MINDY4B: variants seen among roughly 807,000 people sequenced by gnomAD.
MINDY4B encodes inactive ubiquitin carboxyl-terminal hydrolase MINDY-4B.
MINDY4B carries 25 observed loss-of-function variants against 16.7 expected under a neutral mutation model. The observed-to-expected ratio is 1.49, with a 90% CI of 1.09 to 2.09. The LOEUF (loss-of-function observed/expected upper bound fraction) is 2.09. Ranked by LOEUF, MINDY4B falls within the 30% of genes most tolerant of loss-of-function variation. The pLI is 0.00. For missense variants in MINDY4B, 327 were observed against 168.4 expected, an observed-to-expected ratio of 1.94 and a Z score of -5.21; for synonymous variants, 132 against 61.9, an observed-to-expected ratio of 2.13 and a Z score of -5.32.
chr3:150,896,247 T>A (rs7623160), intron 3 of MINDY4B, among the ~76,000 whole-genome samples: 57,084 of 151,958 alleles, frequency 0.38, 15,489 homozygotes, highest in African/African-American at 0.78. Flanking sequence ...TATGTTATCT[T>A]TTTCCTTGAA....
chr3:150,878,161 C>T (rs943810162), intron 10 of MINDY4B, among the ~76,000 whole-genome samples: 2 of 152,152 alleles, frequency 1.3e-5, no homozygotes, highest in African/African-American at 4.8e-5. Flanking sequence ...AAGGGCCAGG[C>T]ACACAATAGG....
At chr3:150,888,832 C>T (rs1036887065) in intron 7 of MINDY4B, among the ~76,000 whole-genome samples, 9 of 152,224 alleles carry the variant, frequency 5.9e-5, no homozygotes, top group Non-Finnish European at 8.8e-5. Flanking sequence ...TGATCTCAAC[C>T]GTGGCTACGT....
intron 7 of MINDY4B, among the ~76,000 whole-genome samples, chr3:150,887,404 C>T (rs771815390): frequency 6.6e-6 from 1 of 152,184 alleles, no homozygotes; most frequent in Non-Finnish European, 1.5e-5. Context: ...GGTAATGGAA[C>T]CAGCAGAAAG....
intron 7 of MINDY4B, among the ~76,000 whole-genome samples, chr3:150,887,215 G>T (rs1711648392): frequency 6.6e-6 from 1 of 152,162 alleles, no homozygotes; most frequent in Admixed American, 6.5e-5. Context: ...GTGACTAATG[G>T]GTATGGAGCG....
chr3:150,882,276 A>C (rs564496703), intron 10 of MINDY4B, among the ~76,000 whole-genome samples: 38 of 152,238 alleles, frequency 2.5e-4, no homozygotes, highest in African/African-American at 9.1e-4. Context: ...ATCACATCTT[A>C]CTTAATTCCC....
intron 7 of MINDY4B, among the ~76,000 whole-genome samples, chr3:150,886,367 CAG>C (rs1229959940): frequency 6.6e-6 from 1 of 152,224 alleles, no homozygotes; most frequent in Non-Finnish European, 1.5e-5. Context: ...TGTGACCTGA[CAG>C]GGGCCAGGGC....
Position 150,893,820 on chromosome 3 carries a change from A to G in MINDY4B, c.429+366T>C, listed in dbSNP as rs570388005. On this transcript the variant is annotated intron_variant, in intron 4 of 11. Transcript: ENST00000465419. ...ATTCTCCTACCTTAGCCTCCCGAGT[A>G]GCTAGGATTACAGGTGTGCACCACC... 2.0e-5 allele frequency among the ~76,000 whole-genome samples: 3 copies of G among 152,096 alleles called. No individual in the cohort carries two copies. In the East Asian group the frequency reaches 5.8e-4, roughly 29 times the overall value.
In MINDY4B at chr3:150,903,422, C is replaced by A. The variant is rs1376071236; in HGVS notation, c.142-6G>T. 1.0e-5 allele frequency: 4 copies of A among 398,350 alleles called. No homozygotes were observed. The highest frequency in any genetic ancestry group is 1.3e-5 in the Non-Finnish European group (3 of 225,978). 24.7% of individuals were successfully genotyped at this position (398,350 alleles called of 1,614,324 possible). ...GTATGGTTGCCTTCATGATTCTGTG[C>A]AAATATCACCCCCACAAAAGACAAA... On this transcript the variant is annotated splice_region_variant and splice_polypyrimidine_tract_variant and intron_variant, in intron 2 of 11. Coordinates refer to ENST00000465419, the MANE Select transcript of MINDY4B (RefSeq NM_001351281.2).
chr3:150,870,830 G>T lies in MINDY4B; in HGVS notation c.*215C>A, dbSNP rs1408933164. 2.0e-5 allele frequency among the ~76,000 whole-genome samples: 3 copies of T among 152,194 alleles called. No individual in the cohort carries two copies. Among genetic ancestry groups the T allele is most frequent in the African/African-American group, 7.2e-5 (3 of 41,444 alleles). The stretch of plus-strand genomic sequence containing the variant: ...TGACTACGGAGGAGGCACCATGCAG[G>T]CCCTGGTGTGGGGGCCTGTGTTTCT... On this transcript the variant is annotated 3_prime_UTR_variant, in exon 12 of 12. Coordinates refer to ENST00000465419, the MANE Select transcript of MINDY4B (RefSeq NM_001351281.2).
chr3:150,878,170 G>T lies in MINDY4B; in HGVS notation c.1059+4727C>A, dbSNP rs184593528. Among the ~76,000 whole-genome samples, 224 of 152,142 alleles carry T rather than the reference G, an allele frequency of 1.5e-3. 1 individual carries two copies. The highest frequency in any genetic ancestry group is 5.3e-3 in the African/African-American group (218 of 41,508). Reference sequence around the variant, plus strand: ...CCCAGAAAGGGCCAGGCACACAATAGGTGCTATATGCACAAGGTTATTAGC... The same window carrying T: ...CCCAGAAAGGGCCAGGCACACAATATGTGCTATATGCACAAGGTTATTAGC... On this transcript the variant is annotated intron_variant, in intron 10 of 11. Coordinates refer to ENST00000465419, the MANE Select transcript of MINDY4B (RefSeq NM_001351281.2).
intron 3 of MINDY4B, chr3:150,901,509 T>C (rs1712114381): frequency 7.4e-6 from 1 of 134,960 alleles, no homozygotes; most frequent in Admixed American, 8.0e-5. Context: ...TTTTCTTTCT[T>C]TTCTTTTCTT....
At chr3:150,901,158 A>G (rs771134639) in intron 3 of MINDY4B, 1 of 152,266 alleles carries the variant, frequency 6.6e-6, no homozygotes, top group Non-Finnish European at 1.5e-5. Context: ...AATTCATTGC[A>G]GAAGCCAAGA....
Position 150,873,278 on chromosome 3 carries a change from C to G in MINDY4B, c.1149G>C (p.Gln383His), listed in dbSNP as rs1297278028. ...NYSILFCTNR[Q>H]LLSDWKMERL... is the part of the protein sequence containing the mutation. ...GTTCCATTTTCCAGTCTGATAAGAG[C>G]TGCCTGTTTGTGCAAAAAAGGATGC... The change falls in exon 11 of 12, where the codon CAG becomes CAC. Residue 383 changes from glutamine to histidine, a missense_variant. By Grantham distance (24) the Gln-to-His change is conservative. Transcript: ENST00000465419. 1.4e-6 allele frequency: 1 copy of G among 702,994 alleles called. No individual in the cohort carries two copies. The highest frequency in any genetic ancestry group is 2.6e-6 in the Non-Finnish European group (1 of 384,876). The allele number at this position is 702,994 out of a possible 1,614,324, so 43.5% of individuals were successfully genotyped here. A position where few individuals can be genotyped will look rare whatever the true frequency, so the allele number is the denominator to read the frequency against.
intron 11 of MINDY4B, among the ~76,000 whole-genome samples, chr3:150,872,660 C>A (rs545939064): frequency 6.6e-6 from 1 of 152,192 alleles, no homozygotes; most frequent in Admixed American, 6.5e-5. Flanking sequence ...AGACCTGTGC[C>A]GCATTCACCA....
chr3:150,902,857 C>G (rs1307455245), intron 3 of MINDY4B, among the ~76,000 whole-genome samples: 1 of 152,206 alleles, frequency 6.6e-6, no homozygotes, highest in East Asian at 1.9e-4. Context: ...CTCTCTCCCT[C>G]CTGCATGCAT....
chr3:150,882,493 G>GTATT (rs10662442), intron 10 of MINDY4B, among the ~76,000 whole-genome samples: 121,820 of 151,116 alleles, frequency 0.81, 49,604 homozygotes, highest in African/African-American at 0.87. Context: ...ACTGCTAACA[G>GTATT]TATTTCTGTG....
At chr3:150,900,820 C>T (rs939416950) in intron 3 of MINDY4B, among the ~76,000 whole-genome samples, 11 of 152,178 alleles carry the variant, frequency 7.2e-5, no homozygotes, top group African/African-American at 2.7e-4. Flanking sequence ...TATTCAGACT[C>T]AGAGTTTCTC....
chr3:150,891,059 G>A lies in MINDY4B; in HGVS notation c.566C>T (p.Ala189Val), dbSNP rs1014411296. 14 of 702,676 alleles carry A rather than the reference G, an allele frequency of 2.0e-5. No individual in the cohort carries two copies. The highest frequency in any genetic ancestry group is 3.1e-5 in the Non-Finnish European group (12 of 384,812). The allele number at this position is 702,676 out of a possible 1,614,324, so 43.5% of individuals were successfully genotyped here. Residue 189 changes from alanine (A) to valine (V), a missense_variant, in exon 6 of 12, where the codon GCG becomes GTG. Physicochemically the swap from Ala to Val is moderately conservative, Grantham distance 64. Coordinates refer to ENST00000465419, the MANE Select transcript of MINDY4B (RefSeq NM_001351281.2). ...SKKEQEQALA[A>V]ALAGILWAAG... ...AGCCCACAGGATGCCAGCAAGCGCC[G>A]CGGCCAAGGCTTGCTCCTGCTCCTT... is the stretch of plus-strand genomic sequence containing the variant.
At chr3:150,887,722 G>A (rs1373143444) in intron 7 of MINDY4B, among the ~76,000 whole-genome samples, 2 of 152,200 alleles carry the variant, frequency 1.3e-5, no homozygotes, top group African/African-American at 2.4e-5. Context: ...TCCTGGGGTT[G>A]CCATAAAAGA....
Sources: allele counts gnomAD v4.1 joint callset (sites outside exome capture counted in the v4.1 genomes callset), GRCh38; gene constraint gnomAD v4.1.1; transcripts MANE v1.5; gene names NCBI Gene and HGNC (gene_info 2026-07-23, HGNC 2026-07-21).